TRPC7: variants seen among roughly 807,000 people sequenced by gnomAD.
The protein encoded by TRPC7 is short transient receptor potential channel 7.
Under a neutral mutation model 90.1 loss-of-function variants are expected in TRPC7, and 42 were observed. The ratio of observed to expected loss-of-function variants is 0.47; its 90% CI spans 0.36 to 0.60. The LOEUF (loss-of-function observed/expected upper bound fraction) is 0.60. Among genes scored for constraint, TRPC7 ranks in the 20% least tolerant of loss-of-function variants. The probability of loss-of-function intolerance (pLI) is 0.00; values close to 1 mark genes in which losing one functional copy is unlikely to be tolerated. For missense variants in TRPC7, 955 were observed against 1,112.3 expected, an observed-to-expected ratio of 0.86 and a Z score of 2.01; for synonymous variants, 451 against 436.3, an observed-to-expected ratio of 1.03 and a Z score of -0.42.
intron 3 of TRPC7, among the ~76,000 whole-genome samples, chr5:136,307,819 A>G (rs369082707): frequency 2.6e-5 from 4 of 152,228 alleles, no homozygotes; most frequent in African/African-American, 9.6e-5. Flanking sequence ...CTTAAGTGTA[A>G]TTCTGCTTAG....
At chr5:136,245,383 G>A (rs77910070) in intron 7 of TRPC7, among the ~76,000 whole-genome samples, 2,124 of 152,246 alleles carry the variant, frequency 0.014, 38 homozygotes, top group African/African-American at 0.042. Context: ...CAGCTGGGTG[G>A]GGCAGCGCAG....
chr5:136,313,364 T>G (rs966341936), intron 3 of TRPC7, among the ~76,000 whole-genome samples: 3 of 147,588 alleles, frequency 2.0e-5, no homozygotes, highest in Non-Finnish European at 4.5e-5. Flanking sequence ...GCCTGAAGCC[T>G]CAGGAGATGT....
At chr5:136,356,563 G>GCC (rs751830253) in intron 2 of TRPC7, 45 bp downstream of exon 2, 2 of 1,489,756 alleles carry the variant, frequency 1.3e-6, no homozygotes, top group South Asian at 1.4e-5. Flanking sequence ...ACGTGGAAGA[G>GCC]CCCCCTGGGC....
chr5:136,290,269 G>T (rs1225186815), intron 3 of TRPC7, among the ~76,000 whole-genome samples: 2 of 152,234 alleles, frequency 1.3e-5, no homozygotes, highest in Admixed American at 6.5e-5. Context: ...CTCCTCACCA[G>T]CAGCAGAACA....
At chr5:136,322,569 C>G (rs895453950) in intron 2 of TRPC7, among the ~76,000 whole-genome samples, 3 of 152,068 alleles carry the variant, frequency 2.0e-5, no homozygotes, top group African/African-American at 7.2e-5. Flanking sequence ...AGTTGGGTCT[C>G]ACTATATTGC....
chr5:136,357,242 T>A lies in TRPC7; in HGVS notation c.146A>T (p.Asp49Val). 1 of 1,613,720 alleles carries A rather than the reference T, an allele frequency of 6.2e-7. No homozygotes were observed. The highest frequency in any genetic ancestry group is 1.1e-5 in the South Asian group (1 of 91,060). The change falls in exon 2 of 12, where the codon GAC (aspartate) becomes GTC (valine). Residue 49 changes from aspartate (D) to valine (V), a missense_variant. By Grantham distance (152) the Asp-to-Val change is radical (BLOSUM62 -3). Transcript: ENST00000513104. ...CGGGATGTTGCCATACTCAGCCGAG[T>A]CCAGGAAGCGCTCCTCCTCGGGCGT... ...SLTPEEERFL[D>V]SAEYGNIPVV...
intron 3 of TRPC7, among the ~76,000 whole-genome samples, chr5:136,290,003 G>A (rs1757880773): frequency 6.6e-6 from 1 of 152,194 alleles, no homozygotes; most frequent in South Asian, 2.1e-4. Context: ...CTGTTCTGCA[G>A]CCACCGCTGC....
At chr5:136,304,929 G>T (rs200631851) in intron 3 of TRPC7, among the ~76,000 whole-genome samples, 680 of 136,374 alleles carry the variant, frequency 5.0e-3, no homozygotes, top group African/African-American at 9.3e-3. Context: ...TGACCTTACT[G>T]TTTTAGCCTA....
chr5:136,246,499 T>C (rs1580858063), intron 7 of TRPC7, among the ~76,000 whole-genome samples: 2 of 152,298 alleles, frequency 1.3e-5, no homozygotes, highest in Admixed American at 1.3e-4. Context: ...ATGTGGTCTT[T>C]CCAGATAGTC....
intron 3 of TRPC7, among the ~76,000 whole-genome samples, chr5:136,284,990 C>T (rs183886372): frequency 1.4e-4 from 22 of 152,076 alleles, no homozygotes; most frequent in Middle Eastern, 3.2e-3. Flanking sequence ...TGATGACACA[C>T]GGAATGAGTA....
chr5:136,351,702 A>G (rs1248316045), intron 2 of TRPC7, among the ~76,000 whole-genome samples: 2 of 152,220 alleles, frequency 1.3e-5, no homozygotes, highest in Non-Finnish European at 2.9e-5. Context: ...ATTACAAATT[A>G]TCACCTAAAC....
intron 3 of TRPC7, among the ~76,000 whole-genome samples, chr5:136,278,978 G>A (rs1003951520): frequency 6.6e-6 from 1 of 152,062 alleles, no homozygotes; most frequent in African/African-American, 2.4e-5. Flanking sequence ...CTACAGCTGG[G>A]GGTTCTGCCA....
intron 4 of TRPC7, among the ~76,000 whole-genome samples, chr5:136,274,377 A>T (rs1317804089): frequency 1.3e-5 from 2 of 152,206 alleles, no homozygotes; most frequent in Admixed American, 1.3e-4. Flanking sequence ...GACATTGCAT[A>T]ATTAGAAGAA....
chr5:136,352,337 T>C (rs575680908), intron 2 of TRPC7, among the ~76,000 whole-genome samples: 11 of 152,306 alleles, frequency 7.2e-5, no homozygotes, highest in Middle Eastern at 3.4e-3. Flanking sequence ...GAAGAAATAT[T>C]AATTCCTCTA....
intron 3 of TRPC7, among the ~76,000 whole-genome samples, chr5:136,290,145 T>A (rs1757886092): frequency 6.6e-6 from 1 of 151,998 alleles, no homozygotes; most frequent in African/African-American, 2.4e-5. Flanking sequence ...CACCTGTACG[T>A]CACCATCATC....
chr5:136,304,328 AT>A (rs1416195565), intron 3 of TRPC7, among the ~76,000 whole-genome samples: 2 of 152,138 alleles, frequency 1.3e-5, no homozygotes, highest in African/African-American at 4.8e-5. Flanking sequence ...CTTTAAAAGG[AT>A]TAAAGCCTGT....
At chr5:136,274,242 T>C (rs1561696816) in intron 4 of TRPC7, among the ~76,000 whole-genome samples, 1 of 152,188 alleles carries the variant, frequency 6.6e-6, no homozygotes, top group African/African-American at 2.4e-5. Context: ...TGTCATAATG[T>C]AATTGAGGCT....
chr5:136,215,926 G>A (rs1274797825), intron 11 of TRPC7, among the ~76,000 whole-genome samples: 1 of 152,140 alleles, frequency 6.6e-6, no homozygotes, highest in African/African-American at 2.4e-5. Context: ...GGTGCCTGAT[G>A]CCTGCTGCCA....
At chr5:136,261,217 T>C (rs1354330607) in intron 5 of TRPC7, among the ~76,000 whole-genome samples, 1 of 152,206 alleles carries the variant, frequency 6.6e-6, no homozygotes, top group Non-Finnish European at 1.5e-5. Context: ...ATTAAAGAGC[T>C]CCAGATGCTA....
Sources: gnomAD v4.1 joint callset for allele counts (sites outside exome capture counted in the v4.1 genomes callset) on GRCh38, gnomAD v4.1.1 for gene constraint, MANE v1.5 for transcripts, NCBI Gene and HGNC (gene_info 2026-07-23, HGNC 2026-07-21) for gene names.